RTN1: variants seen among roughly 807,000 people sequenced by gnomAD.
RTN1 encodes the protein reticulon-1.
Under a neutral mutation model 65.5 loss-of-function variants are expected in RTN1, and 25 were observed. The ratio of observed to expected loss-of-function variants is 0.38; its 90% CI spans 0.28 to 0.53. The LOEUF (loss-of-function observed/expected upper bound fraction) is 0.53. RTN1 is among the 20% of genes least tolerant of loss of function. RTN1 has a pLI of 0.79. For missense variants in RTN1, 983 were observed against 1,025.4 expected, an observed-to-expected ratio of 0.96 and a Z score of 0.57; for synonymous variants, 471 against 447.6, an observed-to-expected ratio of 1.05 and a Z score of -0.66.
In RTN1 at chr14:59,816,779, CAAT is replaced by C. The variant is rs1345802129; in HGVS notation, c.241+53608_241+53610del. Among the ~76,000 whole-genome samples the C allele has an allele frequency of 3.3e-5, 5 of 152,018 alleles. No individual in the cohort carries two copies. The highest frequency in any genetic ancestry group is 1.2e-4 in the African/African-American group (5 of 41,390). ...CAAAATCCCACCTCTACAAAAAATA[CAAT>C]ATTAGCTGGGTGTGGTGGCATGTGC... On this transcript the variant is annotated intron_variant, in intron 1 of 8. Coordinates refer to ENST00000267484, the MANE Select transcript of RTN1 (RefSeq NM_021136.3). The surrounding 1 kb of genome is among the most constrained non-coding windows in gnomAD (Gnocchi z 4.3).
intron 2 of RTN1, among the ~76,000 whole-genome samples, chr14:59,740,160 C>T (rs1885088336): frequency 6.6e-6 from 1 of 150,568 alleles, no homozygotes; most frequent in East Asian, 2.0e-4. Flanking sequence ...AAAGTACAGC[C>T]AAGTCGTGTT....
intron 3 of RTN1, among the ~76,000 whole-genome samples, chr14:59,717,512 CCT>C (rs1440272500): frequency 6.6e-6 from 1 of 152,156 alleles, no homozygotes; most frequent in Non-Finnish European, 1.5e-5. Context: ...CCAGAGGACT[CCT>C]CTCACCCAGG....
At chr14:59,672,783 G>A (rs1444705062) in intron 3 of RTN1, among the ~76,000 whole-genome samples, 5 of 150,408 alleles carry the variant, frequency 3.3e-5, no homozygotes, top group African/African-American at 1.2e-4. Context: ...TGGGACTACA[G>A]GCGCCCGCCA....
chr14:59,815,041 T>C (rs1355576915), intron 1 of RTN1, among the ~76,000 whole-genome samples: 1 of 152,240 alleles, frequency 6.6e-6, no homozygotes, highest in Non-Finnish European at 1.5e-5. Flanking sequence ...CTCACAGTCT[T>C]GTGCATTATT....
At chr14:59,696,500 A>C (rs530719707) in intron 3 of RTN1, among the ~76,000 whole-genome samples, 3 of 151,922 alleles carry the variant, frequency 2.0e-5, no homozygotes, top group Admixed American at 1.3e-4. Context: ...TAAAGGAGAA[A>C]GTCTGTTGCT....
At chr14:59,747,658 C>T (rs1885256872) in intron 1 of RTN1, among the ~76,000 whole-genome samples, 1 of 152,154 alleles carries the variant, frequency 6.6e-6, no homozygotes, top group South Asian at 2.1e-4. Context: ...CACTGTTTTA[C>T]TTTGCTGTAA....
rs776916943 is a variant in RTN1, at chr14:59,746,484, A to G, written c.242-3T>C. ...GGCACTGGAAACACCTGCCACACCT[A>G]TGAATCAAAGCAGCAGCAGACAGTG... On this transcript the variant is annotated splice_polypyrimidine_tract_variant and splice_region_variant and intron_variant, in intron 1 of 8. Coordinates refer to ENST00000267484, the MANE Select transcript of RTN1 (RefSeq NM_021136.3). 6.4e-7 allele frequency: 1 copy of G among 1,571,818 alleles called. No homozygotes were observed. Among genetic ancestry groups the G allele is most frequent in the Non-Finnish European group, 8.6e-7 (1 of 1,161,334 alleles).
intron 3 of RTN1, chr14:59,610,281 G>T (rs79889367): frequency 3.3e-5 from 20 of 609,380 alleles, no homozygotes; most frequent in African/African-American, 5.6e-5. Flanking sequence ...GTGTAGGGTC[G>T]TCTCTTAGCA....
intron 3 of RTN1, among the ~76,000 whole-genome samples, chr14:59,635,786 A>T (rs938473434): frequency 6.6e-6 from 1 of 152,252 alleles, no homozygotes. Context: ...ATGAAGTGTC[A>T]TAAGTCCTCA....
intron 1 of RTN1, among the ~76,000 whole-genome samples, chr14:59,760,287 ACT>A (rs1885723216): frequency 6.6e-6 from 1 of 152,314 alleles, no homozygotes; most frequent in Admixed American, 6.5e-5. Context: ...TAGAATACTA[ACT>A]CTCATGTAAG....
chr14:59,824,054 A>G (rs1346185056), intron 1 of RTN1, among the ~76,000 whole-genome samples: 1 of 152,212 alleles, frequency 6.6e-6, no homozygotes, highest in Non-Finnish European at 1.5e-5. Flanking sequence ...AAGTTTCCTC[A>G]TATGTCAAAC....
chr14:59,713,468 A>G (rs142225850), intron 3 of RTN1, among the ~76,000 whole-genome samples: 107 of 152,334 alleles, frequency 7.0e-4, no homozygotes, highest in African/African-American at 2.5e-3. Context: ...CCCCTCATAC[A>G]TTTCCAGTGT....
At chr14:59,613,898 A>G (rs1882032190) in intron 3 of RTN1, among the ~76,000 whole-genome samples, 1 of 152,162 alleles carries the variant, frequency 6.6e-6, no homozygotes, top group Admixed American at 6.5e-5. Flanking sequence ...TCTGTTTTGC[A>G]TACTGTTATC....
chr14:59,824,168 A>G (rs1032037363), intron 1 of RTN1, among the ~76,000 whole-genome samples: 1 of 152,224 alleles, frequency 6.6e-6, no homozygotes, highest in African/African-American at 2.4e-5. Flanking sequence ...GATAACTATG[A>G]TATCTACTTA....
intron 1 of RTN1, among the ~76,000 whole-genome samples, chr14:59,864,152 G>C (rs1887758524): frequency 6.6e-6 from 1 of 152,058 alleles, no homozygotes; most frequent in South Asian, 2.1e-4. Flanking sequence ...ATCACACTCA[G>C]AGTAATATTT....
rs1566737409 is a variant in RTN1, at chr14:59,819,408, AC to A, written c.241+50981del. On this transcript the variant is annotated intron_variant, in intron 1 of 8. Transcript: ENST00000267484. ...GAGAGCTGATTGGTGCATCCACACC[AC>A]CACCACCCCCCCCCCACCCCCCACC... 6.4e-4 allele frequency among the ~76,000 whole-genome samples: 12 copies of A among 18,756 alleles called. No homozygotes were observed. In the East Asian group the frequency reaches 9.9e-3, roughly 15 times the overall value. The allele number at this position is 18,756 out of a possible 152,430, so 12.3% of individuals were successfully genotyped here.
At chr14:59,670,015 C>G (rs1371363814) in intron 3 of RTN1, among the ~76,000 whole-genome samples, 1 of 152,170 alleles carries the variant, frequency 6.6e-6, no homozygotes, top group Non-Finnish European at 1.5e-5. Context: ...TCATTGATCA[C>G]TTTGAAAGTG....
chr14:59,662,290 C>G (rs1195297850), intron 3 of RTN1, among the ~76,000 whole-genome samples: 1 of 151,670 alleles, frequency 6.6e-6, no homozygotes, highest in African/African-American at 2.4e-5. Flanking sequence ...ACGTATATCT[C>G]CTAATGCTAT....
At chr14:59,692,935 T>C (rs2140229098) in intron 3 of RTN1, among the ~76,000 whole-genome samples, 1 of 152,322 alleles carries the variant, frequency 6.6e-6, no homozygotes, top group Non-Finnish European at 1.5e-5. Context: ...AATAATTAGG[T>C]ATTTGCTACC....
Sources: allele counts gnomAD v4.1 joint callset (sites outside exome capture counted in the v4.1 genomes callset), GRCh38; gene constraint gnomAD v4.1.1; non-coding constraint Gnocchi (gnomAD v3.1); transcripts MANE v1.5; gene names NCBI Gene and HGNC (gene_info 2026-07-23, HGNC 2026-07-21).